Variants in C13orf42 observed in about 807,000 individuals in gnomAD.
The protein encoded by C13orf42 is chromosome 13 open reading frame 42.
chr13:51,154,168 T>C (rs560405366), intron 1 of C13orf42, among the ~76,000 whole-genome samples: 1 of 152,320 alleles, frequency 6.6e-6, no homozygotes, highest in South Asian at 2.1e-4. Flanking sequence ...TGTCAGAATT[T>C]CCTTCCTTTT....
intron 1 of C13orf42, among the ~76,000 whole-genome samples, chr13:51,121,083 G>A (rs1390781332): frequency 6.6e-6 from 1 of 152,158 alleles, no homozygotes; most frequent in Non-Finnish European, 1.5e-5. Flanking sequence ...GGTTTTAAGG[G>A]TTCTCCAGCC....
At chr13:51,143,944 TA>T (rs1336565267) in intron 1 of C13orf42, among the ~76,000 whole-genome samples, 1 of 152,200 alleles carries the variant, frequency 6.6e-6, no homozygotes, top group Non-Finnish European at 1.5e-5. Flanking sequence ...GTAATTCTGA[TA>T]TAACTTAGTG....
At chr13:51,127,179 A>T (rs947014572) in intron 1 of C13orf42, among the ~76,000 whole-genome samples, 1 of 152,158 alleles carries the variant, frequency 6.6e-6, no homozygotes, top group African/African-American at 2.4e-5. Flanking sequence ...AAAAATAAAA[A>T]TAAAAAAATA....
At chr13:51,103,760 G>A (rs747114968) in intron 1 of C13orf42, among the ~76,000 whole-genome samples, 9 of 152,148 alleles carry the variant, frequency 5.9e-5, no homozygotes, top group Non-Finnish European at 1.3e-4. Flanking sequence ...CCTTGAAGAC[G>A]TTGTGCTAAG....
intron 2 of C13orf42, among the ~76,000 whole-genome samples, chr13:51,086,390 T>C (rs1034004235): frequency 3.3e-5 from 5 of 150,420 alleles, no homozygotes; most frequent in African/African-American, 1.2e-4. Flanking sequence ...CCAAGATGTA[T>C]TGTAAATTGT....
At position 51,085,545 on chromosome 13, in the gene C13orf42, T is replaced by C. The variant is rs1005176386; in HGVS notation, c.577A>G (p.Arg193Gly). Reference protein sequence around the residue: ...DVDFDVATSSREHSLHSNWIL... With the variant: ...DVDFDVATSSGEHSLHSNWIL... Reference sequence around the variant, plus strand: ...CAGTTAGAATGCAAGCTGTGCTCCCTGGAGCTGGTGGCCACTAGAAGAGAA... The same window carrying C: ...CAGTTAGAATGCAAGCTGTGCTCCCCGGAGCTGGTGGCCACTAGAAGAGAA... The change falls in exon 3 of 4, where the codon AGG (arginine) becomes GGG (glycine). Residue 193 changes from arginine to glycine, a missense_variant. By Grantham distance (125) the Arg-to-Gly change is moderately radical. Transcript: ENST00000563710. The C allele has an allele frequency of 5.0e-6, 2 of 398,864 alleles. No homozygotes were observed. The highest frequency in any genetic ancestry group is 8.8e-6 in the Non-Finnish European group (2 of 226,286). 24.7% of individuals were successfully genotyped at this position (398,864 alleles called of 1,614,324 possible).
chr13:51,151,509 A>T (rs1953777510), intron 1 of C13orf42, among the ~76,000 whole-genome samples: 1 of 152,248 alleles, frequency 6.6e-6, no homozygotes, highest in Non-Finnish European at 1.5e-5. Context: ...TCTAACCTAG[A>T]GAACTTCATA....
At chr13:51,088,916 T>C (rs890981356) in intron 1 of C13orf42, among the ~76,000 whole-genome samples, 2 of 152,190 alleles carry the variant, frequency 1.3e-5, no homozygotes, top group East Asian at 1.9e-4. Flanking sequence ...GAGTGACTGA[T>C]ACCATGGAAG....
intron 1 of C13orf42, among the ~76,000 whole-genome samples, chr13:51,160,688 A>T (rs1953857602): frequency 6.6e-6 from 1 of 152,224 alleles, no homozygotes; most frequent in African/African-American, 2.4e-5. Context: ...GCATCCCTCA[A>T]AGTGGCAGGT....
intron 1 of C13orf42, among the ~76,000 whole-genome samples, chr13:51,139,849 A>G (rs932388287): frequency 1.3e-5 from 2 of 152,210 alleles, no homozygotes; most frequent in African/African-American, 4.8e-5. Flanking sequence ...TGCTCTGCCT[A>G]TGGACTAGCC....
intron 1 of C13orf42, among the ~76,000 whole-genome samples, chr13:51,153,621 G>GTTTTTTGTTTTTTTT (rs1953799413): frequency 8.5e-5 from 7 of 82,030 alleles, no homozygotes; most frequent in Non-Finnish European, 2.6e-5. Flanking sequence ...CTTGCTTTCT[G>GTTTTTTGTTTTTTTT]TTTTTTTTCT....
intron 1 of C13orf42, among the ~76,000 whole-genome samples, chr13:51,121,922 C>A (rs1055714206): frequency 1.3e-5 from 2 of 151,874 alleles, no homozygotes; most frequent in Non-Finnish European, 2.9e-5. Flanking sequence ...TGTCTTAGAG[C>A]AATAATTAAT....
intron 1 of C13orf42, among the ~76,000 whole-genome samples, chr13:51,105,035 ACAG>A (rs1953337552): frequency 1.3e-5 from 2 of 152,222 alleles, no homozygotes; most frequent in African/African-American, 2.4e-5. Flanking sequence ...AGCAAAAAAC[ACAG>A]CAGGACAACT....
At chr13:51,145,439 T>G (rs1026672521) in intron 1 of C13orf42, among the ~76,000 whole-genome samples, 8 of 152,280 alleles carry the variant, frequency 5.3e-5, no homozygotes, top group Middle Eastern at 6.8e-3. Flanking sequence ...TTTCCAGACC[T>G]ACCCATCTAG....
intron 1 of C13orf42, among the ~76,000 whole-genome samples, chr13:51,135,258 G>T (rs1953648598): frequency 6.6e-6 from 1 of 152,216 alleles, no homozygotes; most frequent in African/African-American, 2.4e-5. Flanking sequence ...GGAGCCTGGA[G>T]AGAGACCAGG....
chr13:51,158,960 G>A (rs1415396849), intron 1 of C13orf42, among the ~76,000 whole-genome samples: 2 of 152,178 alleles, frequency 1.3e-5, no homozygotes, highest in Non-Finnish European at 2.9e-5. Context: ...TCTGCATAGG[G>A]ATTGGGAAGC....
intron 1 of C13orf42, among the ~76,000 whole-genome samples, chr13:51,162,879 T>G (rs73194160): frequency 0.21 from 32,496 of 152,080 alleles, 4,081 homozygotes; most frequent in Admixed American, 0.3. Context: ...CTTTAATATT[T>G]TGCTTCCCTA....
chr13:51,104,562 C>T (rs556936597), intron 1 of C13orf42, among the ~76,000 whole-genome samples: 1 of 152,060 alleles, frequency 6.6e-6, no homozygotes, highest in Non-Finnish European at 1.5e-5. Flanking sequence ...CACTAAAAGG[C>T]ACTCATTTCA....
At chr13:51,134,122 G>A (rs1240748009) in intron 1 of C13orf42, among the ~76,000 whole-genome samples, 1 of 152,136 alleles carries the variant, frequency 6.6e-6, no homozygotes, top group Non-Finnish European at 1.5e-5. Context: ...GAAAATCTAA[G>A]TCCATTTACC....
Sources: allele counts gnomAD v4.1 joint callset (sites outside exome capture counted in the v4.1 genomes callset), GRCh38; gene constraint gnomAD v4.1.1; transcripts MANE v1.5; gene names NCBI Gene and HGNC (gene_info 2026-07-23, HGNC 2026-07-21).